The following UNC79 variants were observed in gnomAD, a reference collection of about 807,000 sequenced individuals.
The protein encoded by UNC79 is protein unc-79 homolog.
UNC79 carries 37 observed loss-of-function variants against 283.1 expected under a neutral mutation model. The ratio of observed to expected loss-of-function variants is 0.13; its 90% CI spans 0.10 to 0.17. The LOEUF is 0.17. Ranked by LOEUF, UNC79 falls within the 10% of genes least tolerant of loss-of-function variation. UNC79 has a pLI of 1.00. For missense variants in UNC79, 2,272 were observed against 3,211.1 expected (o/e 0.71, Z 7.07); for synonymous variants, 1,107 against 1,200.2 (o/e 0.92, Z 1.61).
At chr14:93,634,024 C>T (rs2068276378) in intron 31 of UNC79, among the ~76,000 whole-genome samples, 1 of 152,086 alleles carries the variant, frequency 6.6e-6, no homozygotes, top group Non-Finnish European at 1.5e-5. Flanking sequence ...ATTTCTCTCT[C>T]TAAAAATTGG....
rs151062211 is a variant in UNC79, at chr14:93,488,653, G to A, written c.712+898G>A. 5.3e-5 allele frequency among the ~76,000 whole-genome samples: 8 copies of A among 152,236 alleles called. No homozygotes were observed. The East Asian group carries it at 1.4e-3, about 26-fold the overall frequency. On this transcript the variant is annotated intron_variant, in intron 5 of 48. Transcript: ENST00000555664. ...GTTGGGTTGTAACAGAAATATAAACGGAGTGGCTGATAAGCAGTAAACATT... is the reference window on the plus strand; with the variant it reads ...GTTGGGTTGTAACAGAAATATAAACAGAGTGGCTGATAAGCAGTAAACATT...
intron 1 of UNC79, chr14:93,348,092 G>A: frequency 1.2e-6 from 2 of 1,609,012 alleles, no homozygotes; most frequent in Non-Finnish European, 8.5e-7. Context: ...TATGTGCTAG[G>A]CAACCTGAAG....
upstream of UNC79, among the ~76,000 whole-genome samples, chr14:93,428,075 C>G (rs1326056046): frequency 6.6e-6 from 1 of 151,834 alleles, no homozygotes; most frequent in East Asian, 1.9e-4. Flanking sequence ...CATTAGTCAC[C>G]AAGAGATAAA....
chr14:93,630,098 G>A (rs2067902133), intron 30 of UNC79, among the ~76,000 whole-genome samples: 1 of 152,210 alleles, frequency 6.6e-6, no homozygotes, highest in Non-Finnish European at 1.5e-5. Context: ...AAATAGGAGA[G>A]CCAATGGCAG....
At chr14:93,409,078 G>A (rs1324307884) in intron 1 of UNC79, among the ~76,000 whole-genome samples, 2 of 152,264 alleles carry the variant, frequency 1.3e-5, no homozygotes, top group East Asian at 3.9e-4. Flanking sequence ...CTTATCCAAT[G>A]TAGTAAGATT....
chr14:93,364,396 A>G (rs2054288311), intron 1 of UNC79, among the ~76,000 whole-genome samples: 1 of 151,892 alleles, frequency 6.6e-6, no homozygotes, highest in Non-Finnish European at 1.5e-5. Context: ...TATATGTGAG[A>G]TTTATCCATA....
intron 1 of UNC79, among the ~76,000 whole-genome samples, chr14:93,369,395 TAAC>T (rs916257896): frequency 3.3e-5 from 5 of 152,210 alleles, no homozygotes. Flanking sequence ...CACTCCATTT[TAAC>T]AACAAGTAAA....
chr14:93,431,105 A>C, intron 1 of UNC79, 54 bp downstream of exon 1: 1 of 601,026 alleles, frequency 1.7e-6, no homozygotes, highest in South Asian at 1.5e-5. Context: ...GAGCTATTGC[A>C]GCTGCGGCGT....
Position 93,603,407 on chromosome 14 carries a change from C to T in UNC79, c.3743C>T (p.Thr1248Ile), listed in dbSNP as rs1280817734. 5.6e-6 allele frequency: 9 copies of T among 1,613,648 alleles called. No individual in the cohort carries two copies. The East Asian group carries it at 1.1e-4, about 20-fold the overall frequency. The change falls in exon 26 of 49, where the codon ACC (threonine) becomes ATC (isoleucine). Residue 1248 changes from threonine (T) to isoleucine (I), a missense_variant. Coordinates refer to ENST00000555664, the Ensembl canonical transcript of UNC79. ...GCGCTCTCCCTCCCTGAGACCCTGA[C>T]CTCCAAAATTCGTTGAGTATCTTCT... is the stretch of plus-strand genomic sequence containing the variant.
At chr14:93,589,384 G>T (rs1289563077) in intron 22 of UNC79, among the ~76,000 whole-genome samples, 1 of 152,084 alleles carries the variant, frequency 6.6e-6, no homozygotes, top group Admixed American at 6.6e-5. Flanking sequence ...TTGATATTTG[G>T]GAGAAGAGTA....
At chr14:93,615,129 A>G (rs1473510546) in intron 27 of UNC79, among the ~76,000 whole-genome samples, 1 of 152,188 alleles carries the variant, frequency 6.6e-6, no homozygotes, top group Non-Finnish European at 1.5e-5. Flanking sequence ...ATTGGTACAC[A>G]GATTTCCTTT....
intron 11 of UNC79, among the ~76,000 whole-genome samples, chr14:93,534,249 C>A (rs907923533): frequency 1.3e-5 from 2 of 152,232 alleles, no homozygotes; most frequent in African/African-American, 4.8e-5. Context: ...TCTTGTCCTC[C>A]TGAGCTCTTG....
At chr14:93,500,033 G>T (rs1334033572) in intron 7 of UNC79, among the ~76,000 whole-genome samples, 4 of 152,102 alleles carry the variant, frequency 2.6e-5, no homozygotes, top group Non-Finnish European at 5.9e-5. Context: ...GATAGGCCTG[G>T]GAAGGAGTTT....
intron 7 of UNC79, among the ~76,000 whole-genome samples, chr14:93,504,551 G>A (rs1336097953): frequency 6.6e-6 from 1 of 151,666 alleles, no homozygotes; most frequent in Non-Finnish European, 1.5e-5. Flanking sequence ...ATGTAGATGT[G>A]TAGATGTCTT....
chr14:93,695,546 T>C (rs1416156984), intron 47 of UNC79, among the ~76,000 whole-genome samples: 1 of 152,162 alleles, frequency 6.6e-6, no homozygotes, highest in East Asian at 1.9e-4. Context: ...AGTCTTGACT[T>C]ACATTATGCC....
chr14:93,641,084 C>G, intron 32 of UNC79, 61 bp from the exon 36 acceptor site: 2 of 1,423,618 alleles, frequency 1.4e-6, no homozygotes, highest in Non-Finnish European at 1.9e-6. Flanking sequence ...GAGAACCAGG[C>G]CTTTCTTGGC....
At chr14:93,668,208 A>T (rs1363944079) in intron 40 of UNC79, among the ~76,000 whole-genome samples, 1 of 152,222 alleles carries the variant, frequency 6.6e-6, no homozygotes, top group African/African-American at 2.4e-5. Context: ...AAGGAAAAAT[A>T]CAACTCTCAT....
intron 2 of UNC79, among the ~76,000 whole-genome samples, chr14:93,470,629 C>T (rs2057452020): frequency 6.6e-6 from 1 of 152,186 alleles, no homozygotes; most frequent in African/African-American, 2.4e-5. Flanking sequence ...TGGAATCCTT[C>T]TAGTTAATGC....
chr14:93,439,875 T>G (rs1330727160), intron 1 of UNC79, among the ~76,000 whole-genome samples: 1 of 152,142 alleles, frequency 6.6e-6, no homozygotes, highest in Non-Finnish European at 1.5e-5. Flanking sequence ...TTTTCAAATT[T>G]GTTTGCATAG....
Sources: allele counts gnomAD v4.1 joint callset (sites outside exome capture counted in the v4.1 genomes callset), GRCh38; gene constraint gnomAD v4.1.1; transcripts MANE v1.5; gene names NCBI Gene and HGNC (gene_info 2026-07-23, HGNC 2026-07-21).